Variants in OSBPL8 observed in about 807,000 individuals in gnomAD.
OSBPL8 encodes oxysterol binding protein like 8, also known as oxysterol-binding protein-related protein 8.
A neutral mutation model predicts 125.5 loss-of-function variants in OSBPL8; 59 were observed. That is an observed-to-expected ratio of 0.47 (90% CI 0.38 to 0.58). The LOEUF (loss-of-function observed/expected upper bound fraction) is 0.58, where lower values mean the gene tolerates loss of function less well. Among genes scored for constraint, OSBPL8 ranks in the 20% least tolerant of loss-of-function variants. OSBPL8 has a pLI of 0.00. For missense variants in OSBPL8, 758 were observed against 1,047.8 expected, an observed-to-expected ratio of 0.72 and a Z score of 3.82; for synonymous variants, 330 against 338.9, an observed-to-expected ratio of 0.97 and a Z score of 0.29.
At position 76,356,811 on chromosome 12, in the gene OSBPL8, C is replaced by T. The variant is rs1184927757; in HGVS notation, c.2435-83G>A. 1.3e-5 allele frequency: 12 copies of T among 929,694 alleles called. 1 individual carries two copies. Among genetic ancestry groups the T allele is most frequent in the Middle Eastern group, 6.2e-4 (2 of 3,232 alleles). 57.6% of individuals were successfully genotyped at this position (929,694 alleles called of 1,614,324 possible). ...ATGTGTCTCATGTAATAAAAATTTT[C>T]CTGGGCATTTGTTTTTGTAGCCTAG... On this transcript the variant is annotated intron_variant, in intron 22 of 23. Coordinates refer to ENST00000261183, the MANE Select transcript of OSBPL8 (RefSeq NM_020841.5).
At chr12:76,416,631 G>A (rs1868705737) in intron 4 of OSBPL8, among the ~76,000 whole-genome samples, 1 of 151,954 alleles carries the variant, frequency 6.6e-6, no homozygotes, top group Admixed American at 6.5e-5. Context: ...ATAGATACAG[G>A]AACTTTCTTT....
At chr12:76,380,248 T>C (rs369869358) in intron 15 of OSBPL8, among the ~76,000 whole-genome samples, 1 of 152,292 alleles carries the variant, frequency 6.6e-6, no homozygotes, top group Non-Finnish European at 1.5e-5. Context: ...CTATTAAATA[T>C]CTCAATATAT....
chr12:76,471,955 G>A (rs893752983), intron 2 of OSBPL8, among the ~76,000 whole-genome samples: 5 of 152,134 alleles, frequency 3.3e-5, no homozygotes, highest in Admixed American at 2.6e-4. Context: ...TTTTGATACT[G>A]ACTTTTCAAC....
chr12:76,475,375 C>T (rs1385402372), intron 2 of OSBPL8, among the ~76,000 whole-genome samples: 1 of 152,140 alleles, frequency 6.6e-6, no homozygotes, highest in Non-Finnish European at 1.5e-5. Context: ...AGTTCTCCTC[C>T]CAAAGTCTAG....
intron 5 of OSBPL8, among the ~76,000 whole-genome samples, chr12:76,407,248 A>G (rs1048818983): frequency 1.3e-5 from 2 of 152,184 alleles, no homozygotes; most frequent in Non-Finnish European, 2.9e-5. Context: ...ATGCTCATAT[A>G]TATACACAAA....
intron 3 of OSBPL8, 141 bp from the exon 4 acceptor site, chr12:76,451,129 C>T: frequency 1.1e-6 from 1 of 907,632 alleles, no homozygotes; most frequent in East Asian, 2.8e-5. Context: ...TTAATAAATT[C>T]TCACAGTCAT....
rs184205411 is a variant in OSBPL8 at position 76,397,558 on chromosome 12, G to A, written c.672+136C>T. The A allele has an allele frequency of 7.2e-4, 628 of 876,190 alleles. 1 individual carries two copies. The highest frequency in any genetic ancestry group is 1.9e-3 in the Admixed American group (66 of 35,346). 54.3% of individuals were successfully genotyped at this position (876,190 alleles called of 1,614,324 possible). ...ATTTTGTTGTGGGTAGAGGCAGAAT[G>A]GGGGAATAATGCAATGGAAAGCAGA... On this transcript the variant is annotated intron_variant, in intron 8 of 23. Transcript: ENST00000261183.
intron 1 of OSBPL8, among the ~76,000 whole-genome samples, chr12:76,490,306 G>A (rs1878576156): frequency 6.6e-6 from 1 of 152,174 alleles, no homozygotes; most frequent in Non-Finnish European, 1.5e-5. Flanking sequence ...ACCAAAACAA[G>A]AACTTATATC....
intron 4 of OSBPL8, among the ~76,000 whole-genome samples, chr12:76,448,400 T>C (rs921637147): frequency 1.3e-5 from 2 of 152,146 alleles, no homozygotes; most frequent in Non-Finnish European, 2.9e-5. Context: ...AGTGCACAGA[T>C]ACATGCATCA....
intron 1 of OSBPL8, among the ~76,000 whole-genome samples, chr12:76,498,585 A>C (rs146474177): frequency 6.6e-6 from 1 of 152,334 alleles, no homozygotes; most frequent in East Asian, 1.9e-4. Context: ...AGAAATGTTC[A>C]AATGCTTTGA....
chr12:76,369,234 C>T lies in OSBPL8; in HGVS notation c.2308G>A (p.Val770Met). The change falls in exon 21 of 24, where the codon GTG becomes ATG. Residue 770 changes from valine (V) to methionine (M), a missense_variant. By Grantham distance (21) the Val-to-Met change is conservative (BLOSUM62 1). Around this residue, in one of 3 missense-constraint regions of OSBPL8, gnomAD observed 572 missense variants for 762.0 expected, o/e 0.75. Transcript: ENST00000261183. Reference sequence around the variant, plus strand: ...CATACCATTGGAGTACGATGTTTCACTTTGGTCTGAATAACACCATCTTTT... The same window carrying T: ...CATACCATTGGAGTACGATGTTTCATTTTGGTCTGAATAACACCATCTTTT... ...FEKDGVIQTK[V>M]KHRTPMVSVP... 6.2e-7 allele frequency: 1 copy of T among 1,611,242 alleles called. No homozygotes were observed.
intron 21 of OSBPL8, among the ~76,000 whole-genome samples, chr12:76,368,631 C>A (rs1952507483): frequency 6.6e-6 from 1 of 152,032 alleles, no homozygotes; most frequent in Admixed American, 6.6e-5. Context: ...ATGGTCTTAT[C>A]TCTAAGTTTC....
chr12:76,546,089 C>T (rs188232982), intron 1 of OSBPL8, among the ~76,000 whole-genome samples: 1 of 152,196 alleles, frequency 6.6e-6, no homozygotes, highest in East Asian at 1.9e-4. Context: ...GGGCCAGCTA[C>T]GGGACTTCTA....
chr12:76,548,248 T>A (rs567211240), intron 1 of OSBPL8, among the ~76,000 whole-genome samples: 2 of 151,996 alleles, frequency 1.3e-5, no homozygotes, highest in East Asian at 3.9e-4. Context: ...TTCTGGGAAA[T>A]GAAAGTATAT....
chr12:76,392,563 G>A lies in OSBPL8; in HGVS notation c.929+18C>T. 2 of 1,591,750 alleles carry A rather than the reference G, an allele frequency of 1.3e-6. No individual in the cohort carries two copies. Among genetic ancestry groups the A allele is most frequent in the South Asian group, 1.1e-5 (1 of 89,382 alleles). The stretch of plus-strand genomic sequence containing the variant: ...TGGTCTCTGAAACATTACCAACTCA[G>A]CGGCAGTATCTACTTACTGGAAGTT... On this transcript the variant is annotated intron_variant, in intron 10 of 23. Coordinates refer to ENST00000261183, the MANE Select transcript of OSBPL8 (RefSeq NM_020841.5).
intron 5 of OSBPL8, among the ~76,000 whole-genome samples, chr12:76,405,826 A>G (rs774257427): frequency 3.9e-5 from 6 of 152,236 alleles, no homozygotes; most frequent in Admixed American, 1.3e-4. Context: ...AATGATGACC[A>G]TCAAGATAGG....
intron 1 of OSBPL8, among the ~76,000 whole-genome samples, chr12:76,543,060 C>T (rs1424170723): frequency 1.3e-5 from 2 of 152,158 alleles, no homozygotes; most frequent in Non-Finnish European, 2.9e-5. Flanking sequence ...CCTCTCAGCA[C>T]TTCCCACAAT....
At chr12:76,360,459 G>A (rs1390896391) in intron 21 of OSBPL8, among the ~76,000 whole-genome samples, 1 of 152,228 alleles carries the variant, frequency 6.6e-6, no homozygotes, top group Non-Finnish European at 1.5e-5. Context: ...AGTGTCTGCG[G>A]CTTTTCCAGG....
At chr12:76,433,529 G>A (rs1267482860) in intron 4 of OSBPL8, among the ~76,000 whole-genome samples, 1 of 152,042 alleles carries the variant, frequency 6.6e-6, no homozygotes, top group African/African-American at 2.4e-5. Flanking sequence ...AATTAATAGT[G>A]ATGAAGGAAA....
Sources: allele counts gnomAD v4.1 joint callset (sites outside exome capture counted in the v4.1 genomes callset), GRCh38; gene constraint gnomAD v4.1.1; regional missense constraint gnomAD v4.1.1; transcripts MANE v1.5; gene names NCBI Gene and HGNC (gene_info 2026-07-23, HGNC 2026-07-21).